Variants in KCNQ5 observed in about 807,000 individuals in gnomAD.
The protein encoded by KCNQ5 is potassium voltage-gated channel subfamily KQT member 5.
KCNQ5 carries 30 observed loss-of-function variants against 98.2 expected under a neutral mutation model. That is an observed-to-expected ratio of 0.31 (90% CI 0.23 to 0.41). KCNQ5 has a LOEUF of 0.41. Among genes scored for constraint, KCNQ5 ranks in the 10% least tolerant of loss-of-function variants. KCNQ5 has a pLI of 1.00. For missense variants in KCNQ5, 835 were observed against 1,182.5 expected (o/e 0.71, Z 4.31); for synonymous variants, 458 against 449.4 (o/e 1.02, Z -0.24).
chr6:73,095,545 G>T (rs758158858), intron 5 of KCNQ5, among the ~76,000 whole-genome samples: 8 of 152,084 alleles, frequency 5.3e-5, no homozygotes, highest in Non-Finnish European at 1.0e-4. Context: ...TTCTTATTTG[G>T]GTAGGCTCTG....
chr6:73,184,988 A>G (rs1032016280), intron 11 of KCNQ5, among the ~76,000 whole-genome samples: 2 of 152,212 alleles, frequency 1.3e-5, no homozygotes, highest in Non-Finnish European at 2.9e-5. Context: ...TCCCATGTTC[A>G]TTAAACTCTG....
intron 1 of KCNQ5, among the ~76,000 whole-genome samples, chr6:72,973,745 G>A (rs1383610095): frequency 6.6e-6 from 1 of 152,110 alleles, no homozygotes; most frequent in Non-Finnish European, 1.5e-5. Context: ...ATGACAAAAA[G>A]GGAATAGTAA....
chr6:73,054,300 A>G (rs1246376340), intron 3 of KCNQ5, among the ~76,000 whole-genome samples: 2 of 152,216 alleles, frequency 1.3e-5, no homozygotes, highest in African/African-American at 4.8e-5. Flanking sequence ...TACTGAAACT[A>G]TTCCAAAAAA....
At chr6:72,795,371 G>A (rs1206724409) in intron 1 of KCNQ5, among the ~76,000 whole-genome samples, 1 of 152,042 alleles carries the variant, frequency 6.6e-6, no homozygotes, top group Non-Finnish European at 1.5e-5. Context: ...ATTGCTAGTG[G>A]CCCAACCCAA....
chr6:72,727,233 A>G (rs142513022), intron 1 of KCNQ5, among the ~76,000 whole-genome samples: 1 of 152,224 alleles, frequency 6.6e-6, no homozygotes, highest in African/African-American at 2.4e-5. Context: ...CTGAGCAGTA[A>G]CTTCTCGCAT....
chr6:73,148,565 C>T (rs1338729141), intron 10 of KCNQ5, among the ~76,000 whole-genome samples: 3 of 152,154 alleles, frequency 2.0e-5, no homozygotes, highest in Non-Finnish European at 2.9e-5. Flanking sequence ...ATTGAATCTC[C>T]CAGCAACCTA....
intron 1 of KCNQ5, among the ~76,000 whole-genome samples, chr6:72,650,626 G>T (rs886942123): frequency 6.6e-6 from 1 of 152,080 alleles, no homozygotes; most frequent in Non-Finnish European, 1.5e-5. Flanking sequence ...AGAAAGAAAA[G>T]AATAGTTCTT....
intron 10 of KCNQ5, among the ~76,000 whole-genome samples, chr6:73,159,771 T>G (rs1374863887): frequency 6.6e-6 from 1 of 152,264 alleles, no homozygotes; most frequent in Non-Finnish European, 1.5e-5. Flanking sequence ...TTCATTCAGA[T>G]AAGTTCCTTA....
intron 1 of KCNQ5, among the ~76,000 whole-genome samples, chr6:72,910,316 G>A (rs2150204369): frequency 6.6e-6 from 1 of 152,212 alleles, no homozygotes; most frequent in South Asian, 2.1e-4. Flanking sequence ...TCATCTTATA[G>A]TTGAGGAAAT....
At chr6:72,941,406 C>CATT in intron 1 of KCNQ5, among the ~76,000 whole-genome samples, 1 of 122,032 alleles carries the variant, frequency 8.2e-6, no homozygotes, top group South Asian at 3.1e-4. Context: ...TTTCCTCCTT[C>CATT]CCTCCCTCCC....
Position 72,730,058 on chromosome 6 carries a change from G to A in KCNQ5, c.398+107471G>A, listed in dbSNP as rs984627692. 3.3e-5 allele frequency among the ~76,000 whole-genome samples: 5 copies of A among 152,186 alleles called. No individual in the cohort carries two copies. The East Asian group carries it at 9.6e-4, about 29-fold the overall frequency. ...TGTACTCCTAGCTACTCAGAAGGCT[G>A]AGGTGGAACGATCACTTGAGCTCAG... On this transcript the variant is annotated intron_variant, in intron 1 of 13. Transcript: ENST00000370398.
At chr6:72,999,638 A>G (rs1343424305) in intron 1 of KCNQ5, among the ~76,000 whole-genome samples, 2 of 152,230 alleles carry the variant, frequency 1.3e-5, no homozygotes, top group Non-Finnish European at 2.9e-5. Context: ...GCCCTTCAGC[A>G]ATCTTGTGGA....
rs554930175 is a variant in KCNQ5 at position 73,019,142 on chromosome 6, G to A, written c.489+15144G>A. 7.7e-4 allele frequency among the ~76,000 whole-genome samples: 117 copies of A among 152,220 alleles called. 3 individuals carry two copies. The South Asian group carries it at 0.024, about 31-fold the overall frequency. On this transcript the variant is annotated intron_variant, in intron 2 of 13. Coordinates refer to ENST00000370398, the MANE Select transcript of KCNQ5 (RefSeq NM_019842.4). ...ATTTACCAGCATCCCAGTCCATCAA[G>A]CTCTCTTCACCTACATGTTAAGTGA...
At chr6:73,086,865 G>C (rs1195453132) in intron 5 of KCNQ5, among the ~76,000 whole-genome samples, 1 of 152,182 alleles carries the variant, frequency 6.6e-6, no homozygotes, top group African/African-American at 2.4e-5. Context: ...GATAAGACCT[G>C]AAGGATGAAA....
chr6:72,649,168 G>T (rs1047430472), intron 1 of KCNQ5, among the ~76,000 whole-genome samples: 1 of 152,094 alleles, frequency 6.6e-6, no homozygotes, highest in Non-Finnish European at 1.5e-5. Flanking sequence ...TAAGAACACT[G>T]GTGGCAAATA....
At chr6:73,013,586 C>T (rs1770180828) in intron 2 of KCNQ5, among the ~76,000 whole-genome samples, 2 of 152,096 alleles carry the variant, frequency 1.3e-5, no homozygotes, top group African/African-American at 4.8e-5. Flanking sequence ...ATAAAACTGG[C>T]AATGTAAGTA....
intron 10 of KCNQ5, among the ~76,000 whole-genome samples, chr6:73,160,925 G>T (rs1300882734): frequency 6.6e-6 from 1 of 152,082 alleles, no homozygotes; most frequent in Non-Finnish European, 1.5e-5. Flanking sequence ...AGCCAAGGTT[G>T]AAACCCACTG....
At chr6:73,075,973 C>T (rs1773523459) in intron 3 of KCNQ5, among the ~76,000 whole-genome samples, 1 of 152,132 alleles carries the variant, frequency 6.6e-6, no homozygotes, top group African/African-American at 2.4e-5. Context: ...TTGCAGTGAG[C>T]AGAGCTCATG....
intron 1 of KCNQ5, among the ~76,000 whole-genome samples, chr6:72,713,883 CA>C (rs1769502794): frequency 6.6e-6 from 1 of 152,272 alleles, no homozygotes; most frequent in East Asian, 1.9e-4. Flanking sequence ...GTATCATTTC[CA>C]AAATCCTAAA....
Sources: gnomAD v4.1 joint callset for allele counts (sites outside exome capture counted in the v4.1 genomes callset) on GRCh38, gnomAD v4.1.1 for gene constraint, MANE v1.5 for transcripts, NCBI Gene and HGNC (gene_info 2026-07-23, HGNC 2026-07-21) for gene names.